Variants in CDK14 observed in about 807,000 individuals in gnomAD.
The protein encoded by CDK14 is cyclin dependent kinase 14.
A neutral mutation model predicts 60.7 loss-of-function variants in CDK14; 34 were observed. That is an observed-to-expected ratio of 0.56 (90% CI 0.43 to 0.75). The LOEUF (loss-of-function observed/expected upper bound fraction) is 0.75, where lower values mean the gene tolerates loss of function less well. Ranked by LOEUF, CDK14 falls within the 30% of genes least tolerant of loss-of-function variation. The pLI, the probability that CDK14 is intolerant of heterozygous loss-of-function variation, is 0.00. For synonymous variants in CDK14, 197 were observed against 203.7 expected (o/e 0.97, Z 0.28); for missense variants, 482 against 564.1 (o/e 0.85, Z 1.47).
At chr7:90,658,957 G>A (rs990244355) in intron 2 of CDK14, among the ~76,000 whole-genome samples, 2 of 152,128 alleles carry the variant, frequency 1.3e-5, no homozygotes, top group African/African-American at 4.8e-5. Context: ...AGTTACAATG[G>A]AGTATAGATT....
intron 2 of CDK14, among the ~76,000 whole-genome samples, chr7:90,634,253 T>C (rs1373221488): frequency 6.6e-6 from 1 of 151,136 alleles, no homozygotes; most frequent in Non-Finnish European, 1.5e-5. Context: ...TCATTTAGCA[T>C]TAGGTATATC....
At chr7:90,667,192 G>T (rs1372420892) in intron 2 of CDK14, among the ~76,000 whole-genome samples, 1 of 152,050 alleles carries the variant, frequency 6.6e-6, no homozygotes, top group Non-Finnish European at 1.5e-5. Flanking sequence ...TTTATAAAAG[G>T]GGACATTGCC....
intron 10 of CDK14, among the ~76,000 whole-genome samples, chr7:90,995,046 G>A (rs1050154303): frequency 1.3e-5 from 2 of 152,152 alleles, no homozygotes; most frequent in African/African-American, 4.8e-5. Context: ...ACCGCCTGGC[G>A]TTTATGCCCT....
At chr7:91,089,346 T>C (rs546552792) in intron 12 of CDK14, among the ~76,000 whole-genome samples, 2 of 152,300 alleles carry the variant, frequency 1.3e-5, no homozygotes, top group South Asian at 4.1e-4. Flanking sequence ...ATTTCTTATA[T>C]GTCTGTCGGC....
chr7:91,106,025 G>C (rs531402650), intron 12 of CDK14, among the ~76,000 whole-genome samples: 2 of 152,262 alleles, frequency 1.3e-5, no homozygotes, highest in South Asian at 4.1e-4. Flanking sequence ...TAAAGACATG[G>C]ACAATTTAAT....
chr7:91,097,210 G>A lies in CDK14; in HGVS notation c.1155-15332G>A, dbSNP rs540507341. ...AGCCTGGCCAACATGGTGAAACCCT[G>A]TATCTACTAAAAACACAAAAATTAG... On this transcript the variant is annotated intron_variant, in intron 12 of 14. Coordinates refer to ENST00000380050, the MANE Select transcript of CDK14 (RefSeq NM_001287135.2). Among the ~76,000 whole-genome samples the A allele has an allele frequency of 1.3e-3, 200 of 152,048 alleles. 2 individuals carry two copies. Among genetic ancestry groups the A allele is most frequent in the Non-Finnish European group, 1.2e-3 (84 of 67,984 alleles).
At chr7:91,059,196 G>T (rs1797694457) in intron 11 of CDK14, among the ~76,000 whole-genome samples, 1 of 152,216 alleles carries the variant, frequency 6.6e-6, no homozygotes, top group Non-Finnish European at 1.5e-5. Context: ...TTACATAGAG[G>T]TGTTTGTAGT....
chr7:90,955,854 G>C, intron 9 of CDK14, 37 bp downstream of exon 9: 1 of 1,608,556 alleles, frequency 6.2e-7, no homozygotes, highest in Non-Finnish European at 8.5e-7. Flanking sequence ...TAATCTATCT[G>C]TAGTGCTTGG....
intron 9 of CDK14, among the ~76,000 whole-genome samples, chr7:90,971,161 T>C (rs1325030020): frequency 6.6e-6 from 1 of 151,922 alleles, no homozygotes; most frequent in East Asian, 1.9e-4. Context: ...TGGTTTTTTT[T>C]TTTTTGTCTC....
chr7:90,888,218 CTT>C (rs1459455045), intron 6 of CDK14, among the ~76,000 whole-genome samples: 6 of 152,080 alleles, frequency 3.9e-5, no homozygotes, highest in African/African-American at 1.4e-4. Flanking sequence ...GGCATGGTGG[CTT>C]GTGCCTGTAG....
chr7:90,750,195 CACACA>C (rs1562752211), intron 4 of CDK14, among the ~76,000 whole-genome samples: 40 of 77,232 alleles, frequency 5.2e-4, no homozygotes, highest in Non-Finnish European at 1.0e-3. Context: ...CACACACACA[CACACA>C]CCAATAATAT....
chr7:90,717,371 A>C (rs1006088980), intron 2 of CDK14, among the ~76,000 whole-genome samples: 1 of 152,106 alleles, frequency 6.6e-6, no homozygotes, highest in Non-Finnish European at 1.5e-5. Context: ...AATTAGCAAA[A>C]CAGTTATCAA....
chr7:90,734,132 T>C (rs1383311902), intron 3 of CDK14, among the ~76,000 whole-genome samples: 2 of 152,230 alleles, frequency 1.3e-5, no homozygotes, highest in Non-Finnish European at 2.9e-5. Context: ...TGTTGAATAT[T>C]GGCCTCCACT....
At chr7:91,020,563 C>T (rs1183051608) in intron 10 of CDK14, among the ~76,000 whole-genome samples, 3 of 152,092 alleles carry the variant, frequency 2.0e-5, no homozygotes, top group Non-Finnish European at 2.9e-5. Flanking sequence ...TTAAGACAAG[C>T]GAAATAATTC....
intron 2 of CDK14, among the ~76,000 whole-genome samples, chr7:90,668,555 G>T (rs553898231): frequency 6.6e-6 from 1 of 151,878 alleles, no homozygotes; most frequent in Non-Finnish European, 1.5e-5. Flanking sequence ...TGTATTTTTC[G>T]TGTCTAATCT....
At chr7:91,098,600 A>G (rs1584056277) in intron 12 of CDK14, among the ~76,000 whole-genome samples, 1 of 152,102 alleles carries the variant, frequency 6.6e-6, no homozygotes, top group Non-Finnish European at 1.5e-5. Flanking sequence ...GTGCTAAACT[A>G]TATATTGCCT....
chr7:91,157,417 G>A (rs1214775999), intron 14 of CDK14, among the ~76,000 whole-genome samples: 2 of 152,108 alleles, frequency 1.3e-5, no homozygotes, highest in East Asian at 3.9e-4. Flanking sequence ...TCTCTCCAAG[G>A]CTCATTTTCT....
At chr7:90,988,721 A>G (rs1795445572) in intron 10 of CDK14, among the ~76,000 whole-genome samples, 1 of 152,002 alleles carries the variant, frequency 6.6e-6, no homozygotes, top group South Asian at 2.1e-4. Context: ...AACCTTTGGC[A>G]GATGCTTCTG....
intron 11 of CDK14, among the ~76,000 whole-genome samples, chr7:91,056,104 G>A (rs1403863083): frequency 6.6e-6 from 1 of 152,178 alleles, no homozygotes; most frequent in Non-Finnish European, 1.5e-5. Context: ...TGAGGGGATT[G>A]GAAGTTTGGA....
Sources: allele counts gnomAD v4.1 joint callset (sites outside exome capture counted in the v4.1 genomes callset), GRCh38; gene constraint gnomAD v4.1.1; transcripts MANE v1.5; gene names NCBI Gene and HGNC (gene_info 2026-07-23, HGNC 2026-07-21).